The following DAB1 variants were observed in gnomAD, a reference collection of about 807,000 sequenced individuals.
The protein encoded by DAB1 is DAB adaptor protein 1, also known as disabled homolog 1.
Under a neutral mutation model 64.6 loss-of-function variants are expected in DAB1, and 15 were observed. The observed-to-expected ratio is 0.23, with a 90% confidence interval of 0.16 to 0.36. The LOEUF is 0.36. Among genes scored for constraint, DAB1 ranks in the 10% least tolerant of loss-of-function variants. The pLI is 1.00. For missense variants in DAB1, 596 were observed against 706.7 expected, an observed-to-expected ratio of 0.84 and a Z score of 1.78; for synonymous variants, 235 against 251.9, an observed-to-expected ratio of 0.93 and a Z score of 0.64.
chr1:57,121,672 T>C (rs1289941658), intron 4 of DAB1, among the ~76,000 whole-genome samples: 1 of 152,158 alleles, frequency 6.6e-6, no homozygotes, highest in African/African-American at 2.4e-5. Context: ...GGTTTTCTTC[T>C]AGGGTTTTTA....
intron 5 of DAB1, among the ~76,000 whole-genome samples, chr1:58,023,829 C>T (rs1409112070): frequency 1.3e-5 from 2 of 152,096 alleles, no homozygotes; most frequent in African/African-American, 2.4e-5. Flanking sequence ...AGGTGGTAAA[C>T]GTGGTCCTAA....
At chr1:58,465,526 C>A (rs1283008415) in intron 3 of DAB1, among the ~76,000 whole-genome samples, 1 of 152,134 alleles carries the variant, frequency 6.6e-6, no homozygotes, top group African/African-American at 2.4e-5. Flanking sequence ...CAGAGGAGGA[C>A]CCCAAACCAA....
At chr1:57,489,590 C>G (rs184216132) in intron 7 of DAB1, among the ~76,000 whole-genome samples, 242 of 152,320 alleles carry the variant, frequency 1.6e-3, no homozygotes, top group Non-Finnish European at 3.0e-3. Flanking sequence ...CTAAATTAGA[C>G]TTCCAGCCCT....
intron 3 of DAB1, among the ~76,000 whole-genome samples, chr1:58,414,358 A>G (rs764846246): frequency 1.3e-5 from 2 of 152,212 alleles, no homozygotes; most frequent in Non-Finnish European, 2.9e-5. Flanking sequence ...GTTAGTTACC[A>G]CTGATATGTG....
At chr1:57,002,411 G>A (rs184641230) in intron 14 of DAB1, among the ~76,000 whole-genome samples, 16 of 152,332 alleles carry the variant, frequency 1.1e-4, no homozygotes, top group Middle Eastern at 3.4e-3. Flanking sequence ...TGTATCACAA[G>A]ATTTGGGCTT....
At chr1:57,876,865 G>A (rs1644055722) in intron 1 of DAB1, 1 of 152,060 alleles carries the variant, frequency 6.6e-6, no homozygotes. Flanking sequence ...GGGAGGAGAT[G>A]CCTCTGGGCT....
rs149488481 is a variant in DAB1, at chr1:57,023,553, G to A, written c.873C>T (p.Phe291=). Residue 291 remains phenylalanine, a synonymous_variant, in exon 11 of 15, where the codon TTC becomes TTT. Coordinates refer to ENST00000371236, the MANE Select transcript of DAB1 (RefSeq NM_001365792.1). ...TACCTGAGGGTACAGCAGCAGTGCC[G>A]AAAGGTACAGAACTAAACACATCTG... ...ASADVFSSVP[F]GTAAVPSGYV... 3.0e-4 allele frequency: 477 copies of A among 1,607,516 alleles called. No individual in the cohort carries two copies. In the African/African-American group the frequency reaches 4.5e-3, roughly 15 times the overall value.
intron 1 of DAB1, among the ~76,000 whole-genome samples, chr1:57,320,434 G>C (rs1230250940): frequency 6.6e-6 from 1 of 152,108 alleles, no homozygotes; most frequent in African/African-American, 2.4e-5. Context: ...CTAACTTCTT[G>C]AATTTTGTAA....
intron 1 of DAB1, among the ~76,000 whole-genome samples, chr1:57,348,240 G>A (rs1369845643): frequency 6.6e-6 from 1 of 152,094 alleles, no homozygotes. Context: ...GCCCCTAGAG[G>A]CTCACTATCT....
chr1:58,309,534 T>G (rs1044911575), intron 4 of DAB1, among the ~76,000 whole-genome samples: 14 of 152,144 alleles, frequency 9.2e-5, no homozygotes, highest in Admixed American at 7.2e-4. Context: ...TCAAACAGAC[T>G]CAGTAACTTG....
At chr1:57,988,130 T>G (rs368270479) in intron 5 of DAB1, among the ~76,000 whole-genome samples, 125 of 152,204 alleles carry the variant, frequency 8.2e-4, no homozygotes, top group African/African-American at 2.8e-3. Context: ...GAGGAGGTCC[T>G]GACCACATAC....
At chr1:57,099,441 G>A (rs1654466258) in intron 4 of DAB1, among the ~76,000 whole-genome samples, 1 of 152,176 alleles carries the variant, frequency 6.6e-6, no homozygotes, top group African/African-American at 2.4e-5. Context: ...AACATCACGG[G>A]TACTCAATAA....
At chr1:57,084,042 T>C (rs1652819678) in intron 4 of DAB1, among the ~76,000 whole-genome samples, 1 of 152,218 alleles carries the variant, frequency 6.6e-6, no homozygotes, top group South Asian at 2.1e-4. Context: ...TCCAAATTGT[T>C]TGTCATTGTT....
At chr1:57,843,278 C>G (rs1653134129) in intron 1 of DAB1, among the ~76,000 whole-genome samples, 1 of 152,164 alleles carries the variant, frequency 6.6e-6, no homozygotes, top group Non-Finnish European at 1.5e-5. Flanking sequence ...CTGTGTGCAC[C>G]TTGCATGGTT....
chr1:58,296,601 C>T (rs1662002140), intron 4 of DAB1, among the ~76,000 whole-genome samples: 1 of 152,228 alleles, frequency 6.6e-6, no homozygotes, highest in African/African-American at 2.4e-5. Context: ...TGCTCTTCCT[C>T]AGTCCTGATT....
intron 5 of DAB1, among the ~76,000 whole-genome samples, chr1:57,902,804 A>C (rs1644495182): frequency 6.6e-6 from 1 of 152,076 alleles, no homozygotes; most frequent in South Asian, 2.1e-4. Context: ...GCAATTTGAG[A>C]CTGTATTTAA....
rs1042649073 is a variant in DAB1 at position 57,652,465 on chromosome 1, A to G, written n.552-2800T>C. On this transcript the variant is annotated intron_variant and non_coding_transcript_variant, in intron 6 of 20. Transcript: ENST00000485760. ...CAGAATAAAATACCAGTCTTCCGTT[A>G]GCTGGCTCTACGTGTAAAAATCTCT... Among the ~76,000 whole-genome samples, 30 of 152,276 alleles carry G rather than the reference A, an allele frequency of 2.0e-4. 1 individual carries two copies. Among genetic ancestry groups the G allele is most frequent in the Middle Eastern group, 3.4e-3 (1 of 294 alleles).
intron 1 of DAB1, among the ~76,000 whole-genome samples, chr1:58,541,149 G>C (rs145052879): frequency 0.14 from 20,361 of 150,386 alleles, 1,513 homozygotes; most frequent in African/African-American, 0.2. Context: ...CAAAAATTAG[G>C]CAGGTGTGGT....
intron 1 of DAB1, among the ~76,000 whole-genome samples, chr1:57,337,777 T>A (rs1677199610): frequency 6.6e-6 from 1 of 152,122 alleles, no homozygotes; most frequent in African/African-American, 2.4e-5. Context: ...TCCCTGCTCA[T>A]CGGCAACAGG....
Sources: gnomAD v4.1 joint callset for allele counts (sites outside exome capture counted in the v4.1 genomes callset) on GRCh38, gnomAD v4.1.1 for gene constraint, MANE v1.5 for transcripts, NCBI Gene and HGNC (gene_info 2026-07-23, HGNC 2026-07-21) for gene names.